Variants in DMD observed in about 807,000 individuals in gnomAD.
DMD encodes the protein mutant dystrophin.
DMD carries 63 observed loss-of-function variants against 330.1 expected under a neutral mutation model. The ratio of observed to expected loss-of-function variants is 0.19; its 90% confidence interval spans 0.16 to 0.24. The LOEUF is 0.24. DMD is among the 10% of genes least tolerant of loss of function. DMD has a pLI of 1.00. For synonymous variants in DMD, 1,223 were observed against 959.8 expected, an observed-to-expected ratio of 1.27 and a Z score of -5.07; for missense variants, 3,344 against 2,684.1, an observed-to-expected ratio of 1.25 and a Z score of -5.43.
At chrX:31,378,695 G>A (rs2060007983) in intron 60 of DMD, among the ~76,000 whole-genome samples, 1 of 108,331 alleles carries the variant, frequency 9.2e-6, no homozygotes, top group Non-Finnish European at 1.9e-5. Flanking sequence ...CGCTTTTCTG[G>A]GGGACAAGAA....
intron 52 of DMD, among the ~76,000 whole-genome samples, chrX:31,684,698 T>C (rs938829600): frequency 8.9e-6 from 1 of 112,056 alleles, no homozygotes; most frequent in African/African-American, 3.2e-5. Flanking sequence ...CTGATATCCA[T>C]CTTAGAACAA....
At chrX:32,621,859 T>C (rs2058021886) in intron 11 of DMD, among the ~76,000 whole-genome samples, 1 of 111,258 alleles carries the variant, frequency 9.0e-6, no homozygotes, top group Non-Finnish European at 1.9e-5. Flanking sequence ...CCTAGAAACT[T>C]GCTAGAAGTG....
At chrX:32,472,473 C>T (rs1244002049) in intron 21 of DMD, among the ~76,000 whole-genome samples, 164 bp from the exon 22 acceptor site, 1 of 111,804 alleles carries the variant, frequency 8.9e-6, no homozygotes, top group African/African-American at 3.3e-5. Flanking sequence ...TACATTCCTG[C>T]TACATGTGTA....
intron 42 of DMD, among the ~76,000 whole-genome samples, chrX:32,288,373 A>G (rs1192071368): frequency 1.8e-5 from 2 of 111,915 alleles, no homozygotes; most frequent in South Asian, 7.4e-4. Context: ...TTCAGTCTCC[A>G]GTATTCAAAT....
intron 41 of DMD, among the ~76,000 whole-genome samples, chrX:32,325,026 C>T (rs1414341895): frequency 1.8e-5 from 2 of 110,901 alleles, no homozygotes; most frequent in Non-Finnish European, 3.8e-5. Context: ...ATATACATTA[C>T]CTGGGAACAT....
chrX:31,567,961 T>C lies in DMD; in HGVS notation c.8217+59712A>G, dbSNP rs186106279. On this transcript the variant is annotated intron_variant, in intron 55 of 78. Coordinates refer to ENST00000357033, the MANE Select transcript of DMD (RefSeq NM_004006.3). ...CCTTTGCTTCAGAATCTCACTCATG[T>C]TGATGTTTTATTTTCATTTTATTTA... Among the ~76,000 whole-genome samples, 270 of 111,542 alleles carry C rather than the reference T, an allele frequency of 2.4e-3. 2 individuals carry two copies. Among genetic ancestry groups the C allele is most frequent in the Non-Finnish European group, 3.7e-3 (197 of 52,820 alleles).
intron 63 of DMD, among the ~76,000 whole-genome samples, chrX:31,260,403 A>C (rs2050394100): frequency 8.9e-6 from 1 of 112,218 alleles, no homozygotes; most frequent in Non-Finnish European, 1.9e-5. Context: ...AAAATAATTC[A>C]AGTTATGAGG....
intron 19 of DMD, among the ~76,000 whole-genome samples, chrX:32,494,708 G>A (rs2043318155): frequency 9.0e-6 from 1 of 111,598 alleles, no homozygotes; most frequent in East Asian, 2.8e-4. Context: ...CAAGGGACCA[G>A]CTCTCTTGTG....
At chrX:32,737,890 A>G (rs2068730467) in intron 7 of DMD, among the ~76,000 whole-genome samples, 1 of 112,063 alleles carries the variant, frequency 8.9e-6, no homozygotes, top group Admixed American at 9.5e-5. Context: ...GCCCTCACAA[A>G]AAATAAACTT....
chrX:32,565,747 C>T lies in DMD; in HGVS notation c.1947G>A (p.Arg649=). 2 of 1,211,720 alleles carry T rather than the reference C, an allele frequency of 1.7e-6. No homozygotes were observed. The highest frequency in any genetic ancestry group is 2.2e-6 in the Non-Finnish European group (2 of 895,479). Residue 649 remains arginine, a synonymous_variant, in exon 16 of 79, where the codon CGG becomes CGA. Transcript: ENST00000357033. ...GTTTTTGGACTAAATTATCCCAACA[C>T]CGGGCAAAGTTATCCAGCCATGCTT... The part of the protein sequence containing the change: ...KTEAWLDNFA[R]CWDNLVQKLE...
At chrX:32,900,824 A>G (rs868551888) in intron 2 of DMD, among the ~76,000 whole-genome samples, 2 of 112,145 alleles carry the variant, frequency 1.8e-5, no homozygotes, top group Admixed American at 9.5e-5. Flanking sequence ...AAAGGAAAGT[A>G]AAAAACTCAA....
intron 51 of DMD, among the ~76,000 whole-genome samples, chrX:31,753,849 A>G (rs1304459533): frequency 8.9e-6 from 1 of 111,935 alleles, no homozygotes; most frequent in Non-Finnish European, 1.9e-5. Context: ...GCATAAATTT[A>G]AAATGTTGCT....
intron 51 of DMD, among the ~76,000 whole-genome samples, chrX:31,766,288 C>T (rs746883314): frequency 7.2e-5 from 8 of 111,667 alleles, no homozygotes; most frequent in Non-Finnish European, 1.5e-4. Context: ...GACGGAGTTT[C>T]GCTCTTGTTG....
intron 59 of DMD, among the ~76,000 whole-genome samples, chrX:31,456,747 G>T (rs1210711807): frequency 3.6e-5 from 4 of 109,774 alleles, no homozygotes; most frequent in Non-Finnish European, 5.7e-5. Flanking sequence ...CACAAAACGG[G>T]AATGGCATTT....
intron 1 of DMD, among the ~76,000 whole-genome samples, chrX:33,064,545 G>GT (rs1356641291): frequency 1.8e-5 from 2 of 112,346 alleles, no homozygotes; most frequent in Non-Finnish European, 3.8e-5. Context: ...GTAAACAAAT[G>GT]TAAACAGAAT....
chrX:33,122,488 T>C (rs1021351646), intron 1 of DMD, among the ~76,000 whole-genome samples: 3 of 112,237 alleles, frequency 2.7e-5, no homozygotes, highest in East Asian at 2.8e-4. Flanking sequence ...GTAGAAATCA[T>C]TGATGCTCAT....
intron 9 of DMD, among the ~76,000 whole-genome samples, chrX:32,653,424 C>T (rs1417604340): frequency 9.0e-6 from 1 of 111,724 alleles, no homozygotes; most frequent in African/African-American, 3.3e-5. Flanking sequence ...AATCCTTTCC[C>T]CATTGCTTGT....
intron 7 of DMD, among the ~76,000 whole-genome samples, chrX:32,752,246 G>C (rs1359641322): frequency 9.0e-6 from 1 of 111,445 alleles, no homozygotes; most frequent in Non-Finnish European, 1.9e-5. Context: ...GCATCCAGGA[G>C]GGAGGCTGTA....
chrX:31,387,324 C>A (rs1057377630), intron 60 of DMD, among the ~76,000 whole-genome samples: 2 of 112,090 alleles, frequency 1.8e-5, no homozygotes, highest in African/African-American at 6.5e-5. Context: ...GCTGTGTCAT[C>A]TTGGCCAAGT....
Sources: allele counts gnomAD v4.1 joint callset (sites outside exome capture counted in the v4.1 genomes callset), GRCh38; gene constraint gnomAD v4.1.1; transcripts MANE v1.5; gene names NCBI Gene and HGNC (gene_info 2026-07-23, HGNC 2026-07-21).